Variants in CDH13 observed in about 807,000 individuals in gnomAD.
CDH13 encodes the protein cadherin-13.
In CDH13, 24 loss-of-function variants were observed where a neutral mutation model predicts 63.8. The ratio of observed to expected loss-of-function variants is 0.38; its 90% CI spans 0.27 to 0.53. The LOEUF (loss-of-function observed/expected upper bound fraction) is 0.53. Ranked by LOEUF, CDH13 falls within the 20% of genes least tolerant of loss-of-function variation. The pLI is 0.85. For missense variants in CDH13, 1,049 were observed against 903.1 expected, an observed-to-expected ratio of 1.16 and a Z score of -2.07; for synonymous variants, 503 against 355.3, an observed-to-expected ratio of 1.42 and a Z score of -4.67.
intron 3 of CDH13, among the ~76,000 whole-genome samples, chr16:83,055,280 A>C (rs931747890): frequency 3.9e-5 from 6 of 151,968 alleles, no homozygotes; most frequent in Non-Finnish European, 8.8e-5. Context: ...CAAAAATACA[A>C]TTTATAACAT....
intron 5 of CDH13, among the ~76,000 whole-genome samples, chr16:83,322,235 C>G (rs1421229012): frequency 1.9e-4 from 29 of 152,112 alleles, no homozygotes; most frequent in Admixed American, 1.9e-3. Context: ...CGGCTGGTGT[C>G]TCTCTGGAGC....
chr16:83,122,006 C>T (rs2035605146), intron 3 of CDH13, among the ~76,000 whole-genome samples: 1 of 149,498 alleles, frequency 6.7e-6, no homozygotes, highest in Admixed American at 6.6e-5. Flanking sequence ...TTTTATGGGG[C>T]CTTGGGGCCA....
intron 10 of CDH13, among the ~76,000 whole-genome samples, chr16:83,743,183 G>T (rs1233833503): frequency 3.3e-5 from 5 of 152,142 alleles, no homozygotes; most frequent in African/African-American, 1.2e-4. Context: ...ACTCCAGCCT[G>T]GGCGACAGAG....
At chr16:83,208,317 C>G (rs2039240636) in intron 4 of CDH13, among the ~76,000 whole-genome samples, 1 of 152,158 alleles carries the variant, frequency 6.6e-6, no homozygotes, top group African/African-American at 2.4e-5. Context: ...CTCCAGCTAC[C>G]CAGACTGCTG....
chr16:83,070,550 T>C (rs1024466473), intron 3 of CDH13, among the ~76,000 whole-genome samples: 2 of 152,166 alleles, frequency 1.3e-5, no homozygotes, highest in African/African-American at 4.8e-5. Context: ...AAAACTATCT[T>C]GGTGATAAAA....
At chr16:83,477,278 G>C (rs926907759) in intron 6 of CDH13, among the ~76,000 whole-genome samples, 1 of 152,164 alleles carries the variant, frequency 6.6e-6, no homozygotes, top group African/African-American at 2.4e-5. Flanking sequence ...TACATATTTG[G>C]CTGTCAATTT....
intron 5 of CDH13, among the ~76,000 whole-genome samples, chr16:83,318,712 G>T (rs972988124): frequency 2.0e-5 from 3 of 152,192 alleles, no homozygotes; most frequent in Non-Finnish European, 4.4e-5. Context: ...GTGGGTTCCA[G>T]TATGTATTTC....
intron 4 of CDH13, among the ~76,000 whole-genome samples, chr16:83,141,447 C>G (rs1183575497): frequency 6.6e-6 from 1 of 152,144 alleles, no homozygotes; most frequent in African/African-American, 2.4e-5. Flanking sequence ...TGAGACTAAT[C>G]TTATTCTTTA....
intron 1 of CDH13, among the ~76,000 whole-genome samples, chr16:82,809,996 G>A (rs910580415): frequency 3.9e-5 from 6 of 152,162 alleles, no homozygotes; most frequent in Non-Finnish European, 8.8e-5. Flanking sequence ...TCTATTAAGG[G>A]CAATGTCCCT....
At chr16:83,171,685 G>T (rs56165681) in intron 4 of CDH13, 182,918 of 829,154 alleles carry the variant, frequency 0.22, 21,907 homozygotes, top group African/African-American at 0.4. Context: ...CATGCTCTTT[G>T]GCAGGCACGC....
intron 8 of CDH13, among the ~76,000 whole-genome samples, chr16:83,627,386 G>A (rs534337692): frequency 1.3e-5 from 2 of 152,260 alleles, no homozygotes; most frequent in South Asian, 2.1e-4. Context: ...TACATACAGC[G>A]AAGCAGAATT....
At chr16:82,693,458 G>C (rs1177379061) in intron 1 of CDH13, among the ~76,000 whole-genome samples, 2 of 152,160 alleles carry the variant, frequency 1.3e-5, no homozygotes, top group African/African-American at 4.8e-5. Context: ...CCACTTCCCA[G>C]CTTGCGACCT....
chr16:83,308,544 C>A (rs191019158), intron 5 of CDH13, among the ~76,000 whole-genome samples: 41 of 152,304 alleles, frequency 2.7e-4, no homozygotes, highest in African/African-American at 9.4e-4. Flanking sequence ...CAAAAACACA[C>A]TAGAGATTAC....
chr16:82,931,109 G>A (rs74030303), intron 2 of CDH13, among the ~76,000 whole-genome samples: 1,581 of 152,290 alleles, frequency 0.01, 26 homozygotes, highest in African/African-American at 0.036. Flanking sequence ...GCAAAGAGAT[G>A]CTGTGATTAG....
At chr16:83,083,235 G>A (rs2033373438) in intron 3 of CDH13, among the ~76,000 whole-genome samples, 2 of 152,154 alleles carry the variant, frequency 1.3e-5, no homozygotes, top group Admixed American at 1.3e-4. Flanking sequence ...AAATACTCTT[G>A]GGAGAAGAGC....
rs192675504 is a variant in CDH13, at chr16:83,256,620, A to G, written c.636+39123A>G. 2.9e-3 allele frequency among the ~76,000 whole-genome samples: 429 copies of G among 149,124 alleles called. 2 individuals are homozygous for G. The highest frequency in any genetic ancestry group is 5.0e-3 in the Non-Finnish European group (334 of 67,442). ...GCTGAGGCGGGCGAATCACGAGGTC[A>G]GGAGATGGAGGCCATCCTGGCTAAC... On this transcript the variant is annotated intron_variant, in intron 5 of 13. Transcript: ENST00000567109.
Position 83,671,062 on chromosome 16 carries a change from A to G in CDH13, c.1284+90A>G, listed in dbSNP as rs73248736. The G allele has an allele frequency of 0.044, 49,540 of 1,136,172 alleles. 1,858 individuals are homozygous for G. The highest frequency in any genetic ancestry group is 0.17 in the African/African-American group (11,147 of 64,316). 70.4% of individuals were successfully genotyped at this position (1,136,172 alleles called of 1,614,324 possible). A position where few individuals can be genotyped will look rare whatever the true frequency, so the allele number is the denominator to read the frequency against. On this transcript the variant is annotated intron_variant, in intron 9 of 13. Transcript: ENST00000567109. ...ATAGAATCATTGAGTTTAGAAGGCC[A>G]CAGATAAATTCCCCCAGTCTCCTCC...
At chr16:83,658,768 TCCTCACCA>T in intron 8 of CDH13, among the ~76,000 whole-genome samples, 1 of 144,012 alleles carries the variant, frequency 6.9e-6, no homozygotes, top group South Asian at 2.3e-4. Flanking sequence ...AGGTCCCATA[TCCTCACCA>T]GCAAGGTCTC....
intron 10 of CDH13, among the ~76,000 whole-genome samples, chr16:83,711,154 A>G (rs1907983279): frequency 6.6e-6 from 1 of 152,208 alleles, no homozygotes; most frequent in Non-Finnish European, 1.5e-5. Context: ...AGTTAGAAGT[A>G]TCTGTGACTT....
Sources: allele counts gnomAD v4.1 joint callset (sites outside exome capture counted in the v4.1 genomes callset), GRCh38; gene constraint gnomAD v4.1.1; transcripts MANE v1.5; gene names NCBI Gene and HGNC (gene_info 2026-07-23, HGNC 2026-07-21).